Variants in ABTB3 observed in about 807,000 individuals in gnomAD.
The protein encoded by ABTB3 is ankyrin repeat and BTB domain containing 3, also known as ankyrin repeat- and BTB/POZ domain-containing protein 3.
the ABTB3 span, among the ~76,000 whole-genome samples, chr12:107,522,813 G>C: frequency 7.3e-5 from 11 of 151,290 alleles, no homozygotes; most frequent in African/African-American, 2.4e-4. Context: ...GGGAAGGGAA[G>C]GGAAGGGAAG....
chr12:107,617,366 A>C, the ABTB3 span: 6 of 1,614,178 alleles, frequency 3.7e-6, no homozygotes, highest in Non-Finnish European at 5.1e-6. Context: ...AACCATGTAC[A>C]GGAATGGAAT....
the ABTB3 span, among the ~76,000 whole-genome samples, chr12:107,474,933 TC>T: frequency 6.6e-6 from 1 of 152,110 alleles, no homozygotes; most frequent in East Asian, 1.9e-4. Flanking sequence ...AAGGGACCAG[TC>T]CCATCAGCCC....
At chr12:107,543,641 G>C in the ABTB3 span, among the ~76,000 whole-genome samples, 1 of 152,066 alleles carries the variant, frequency 6.6e-6, no homozygotes, top group Non-Finnish European at 1.5e-5. Context: ...ATGCAGGAAC[G>C]GGACGCAAAG....
At chr12:107,605,647 G>T in the ABTB3 span, among the ~76,000 whole-genome samples, 5 of 152,236 alleles carry the variant, frequency 3.3e-5, no homozygotes, top group African/African-American at 1.2e-4. Context: ...GCAGTGGAAG[G>T]TTTTAAGCAG....
the ABTB3 span, among the ~76,000 whole-genome samples, chr12:107,447,502 T>G: frequency 6.6e-6 from 1 of 152,114 alleles, no homozygotes; most frequent in Non-Finnish European, 1.5e-5. Flanking sequence ...ATGTTGATGG[T>G]TACCTGAGAA....
At chr12:107,448,962 G>A in the ABTB3 span, among the ~76,000 whole-genome samples, 1 of 152,258 alleles carries the variant, frequency 6.6e-6, no homozygotes, top group Admixed American at 6.5e-5. Context: ...ATGAACCGAA[G>A]CAGCATCTGG....
At chr12:107,482,981 T>TTCTTTCC in the ABTB3 span, among the ~76,000 whole-genome samples, 2 of 33,658 alleles carry the variant, frequency 5.9e-5, no homozygotes, top group African/African-American at 2.0e-4. Flanking sequence ...TCTTTCTTTC[T>TTCTTTCC]TTCTTTCCTT....
the ABTB3 span, among the ~76,000 whole-genome samples, chr12:107,382,622 A>G: frequency 1.3e-5 from 2 of 152,158 alleles, no homozygotes; most frequent in Non-Finnish European, 2.9e-5. Flanking sequence ...GACACGGATG[A>G]AGCTGGAAAC....
At chr12:107,560,897 G>A in the ABTB3 span, among the ~76,000 whole-genome samples, 1 of 152,144 alleles carries the variant, frequency 6.6e-6, no homozygotes, top group Non-Finnish European at 1.5e-5. Flanking sequence ...GTCTAATTCT[G>A]GATTTTAAAA....
chr12:107,470,797 A>T, the ABTB3 span, among the ~76,000 whole-genome samples: 1 of 152,182 alleles, frequency 6.6e-6, no homozygotes, highest in African/African-American at 2.4e-5. Context: ...GGCCAGAGCG[A>T]GGGGAGTGGA....
the ABTB3 span, among the ~76,000 whole-genome samples, chr12:107,361,670 A>T: frequency 6.6e-6 from 1 of 152,158 alleles, no homozygotes; most frequent in Non-Finnish European, 1.5e-5. Context: ...TCCTTTCTCT[A>T]CACTAGTTCT....
the ABTB3 span, chr12:107,651,853 G>A: frequency 7.3e-7 from 1 of 1,375,818 alleles, no homozygotes; most frequent in South Asian, 1.2e-5. Context: ...CTTTTCCTTG[G>A]CAAACACAGA....
chr12:107,552,546 A>G, the ABTB3 span, among the ~76,000 whole-genome samples: 3 of 152,174 alleles, frequency 2.0e-5, no homozygotes, highest in Non-Finnish European at 2.9e-5. Flanking sequence ...GATTTGTGCC[A>G]TTGGATAGCC....
chr12:107,344,399 C>T, the ABTB3 span, among the ~76,000 whole-genome samples: 18 of 152,148 alleles, frequency 1.2e-4, no homozygotes, highest in African/African-American at 4.1e-4. Context: ...GGTTGCCAAC[C>T]AATAGTACTT....
At chr12:107,357,567 T>G in the ABTB3 span, among the ~76,000 whole-genome samples, 1 of 152,200 alleles carries the variant, frequency 6.6e-6, no homozygotes, top group Non-Finnish European at 1.5e-5. Flanking sequence ...GCTATGATCA[T>G]GCCACTGTGC....
chr12:107,446,669 A>T, the ABTB3 span, among the ~76,000 whole-genome samples: 1 of 152,298 alleles, frequency 6.6e-6, no homozygotes, highest in East Asian at 1.9e-4. Context: ...CCATCCCCAG[A>T]GTGACTAATG....
the ABTB3 span, among the ~76,000 whole-genome samples, chr12:107,472,354 C>A: frequency 6.6e-6 from 1 of 152,124 alleles, no homozygotes; most frequent in African/African-American, 2.4e-5. Flanking sequence ...AGGGATAGAG[C>A]AAACACAGGA....
the ABTB3 span, among the ~76,000 whole-genome samples, chr12:107,547,665 T>C: frequency 3.2e-4 from 49 of 152,362 alleles, no homozygotes; most frequent in African/African-American, 1.2e-3. Flanking sequence ...CCAGATTCTG[T>C]TCAGTGTGAT....
At chr12:107,620,487 G>A in the ABTB3 span, among the ~76,000 whole-genome samples, 47 of 152,284 alleles carry the variant, frequency 3.1e-4, no homozygotes, top group African/African-American at 1.0e-3. Flanking sequence ...TGGTACAACA[G>A]TATTAAATTT....
Sources: gnomAD v4.1 joint callset for allele counts (sites outside exome capture counted in the v4.1 genomes callset) on GRCh38, gnomAD v4.1.1 for gene constraint, MANE v1.5 for transcripts, NCBI Gene and HGNC (gene_info 2026-07-23, HGNC 2026-07-21) for gene names.